The following PTGR2 variants were observed in gnomAD, a reference collection of about 807,000 sequenced individuals.
PTGR2 encodes 15-oxoprostaglandin 13-reductase.
A neutral mutation model predicts 43.4 loss-of-function variants in PTGR2; 32 were observed. The ratio of observed to expected loss-of-function variants is 0.74; its 90% CI spans 0.56 to 0.99. The LOEUF is 0.99. Among genes scored for constraint, PTGR2 ranks in the 50% least tolerant of loss-of-function variants. PTGR2 has a pLI of 0.00. For synonymous variants in PTGR2, 106 were observed against 139.2 expected (o/e 0.76, Z 1.68); for missense variants, 373 against 420.0 (o/e 0.89, Z 0.98).
chr14:73,864,444 C>G (rs538137678), intron 3 of PTGR2, among the ~76,000 whole-genome samples: 5 of 152,358 alleles, frequency 3.3e-5, no homozygotes, highest in Admixed American at 1.3e-4. Flanking sequence ...CACATCCTCA[C>G]TAACACTTGT....
At chr14:73,878,118 C>T (rs1438886121) in intron 5 of PTGR2, 1 of 152,110 alleles carries the variant, frequency 6.6e-6, no homozygotes, top group Non-Finnish European at 1.5e-5. Context: ...TGTACTCCAG[C>T]CTGGGTGACA....
chr14:73,873,949 T>C, intron 3 of PTGR2, 74 bp from the exon 4 acceptor site: 1 of 1,160,166 alleles, frequency 8.6e-7, no homozygotes, highest in Middle Eastern at 2.0e-4. Context: ...ATTATATGCT[T>C]TTAGTCATTG....
chr14:73,862,998 C>T (rs1020910382), intron 3 of PTGR2, among the ~76,000 whole-genome samples: 1 of 152,176 alleles, frequency 6.6e-6, no homozygotes, highest in African/African-American at 2.4e-5. Flanking sequence ...TGAGCCACTA[C>T]ATCTGTCTCC....
intron 1 of PTGR2, among the ~76,000 whole-genome samples, chr14:73,856,829 C>T (rs2054359162): frequency 6.6e-6 from 1 of 152,226 alleles, no homozygotes; most frequent in Admixed American, 6.5e-5. Flanking sequence ...GTACAAAGCA[C>T]TCACAAGAGT....
intron 2 of PTGR2, 25 bp downstream of exon 2, chr14:73,858,924 A>G (rs1192500021): frequency 3.8e-6 from 6 of 1,585,706 alleles, no homozygotes; most frequent in Middle Eastern, 1.7e-4. Flanking sequence ...TGAATGAACA[A>G]CTCTGATCTT....
intron 3 of PTGR2, chr14:73,861,415 A>G (rs2054487587): frequency 6.6e-6 from 1 of 152,182 alleles, no homozygotes; most frequent in African/African-American, 2.4e-5. Flanking sequence ...CATGACAAGC[A>G]TAACTCTTTA....
At chr14:73,881,840 G>A (rs2054997726) in intron 8 of PTGR2, among the ~76,000 whole-genome samples, 1 of 136,550 alleles carries the variant, frequency 7.3e-6, no homozygotes. Context: ...CTGTAGTGCA[G>A]TGGCGCAATC....
chr14:73,855,454 A>G (rs1312876957), intron 1 of PTGR2, among the ~76,000 whole-genome samples: 4 of 151,920 alleles, frequency 2.6e-5, no homozygotes, highest in African/African-American at 9.7e-5. Flanking sequence ...TATTTTTATT[A>G]TTTATTTATT....
intron 3 of PTGR2, among the ~76,000 whole-genome samples, chr14:73,871,572 G>A (rs961679128): frequency 3.3e-5 from 5 of 151,980 alleles, no homozygotes; most frequent in African/African-American, 1.2e-4. Flanking sequence ...CAGAAGCACA[G>A]ACCATAACCT....
chr14:73,874,925 C>T (rs1387839873), intron 4 of PTGR2, among the ~76,000 whole-genome samples: 1 of 152,070 alleles, frequency 6.6e-6, no homozygotes. Flanking sequence ...CTGGAGTGAT[C>T]TTGGCTCACT....
In PTGR2 at chr14:73,860,605, A is replaced by G. The variant is rs2054466160; in HGVS notation, c.104A>G (p.Asn35Ser). Residue 35 changes from asparagine to serine, a missense_variant, in exon 3 of 10, where the codon AAT becomes AGT. Transcript: ENST00000555661. Reference protein sequence around the residue: ...MEEVYLPDNINEGQVQVRTLY... With the variant: ...MEEVYLPDNISEGQVQVRTLY... ...GAAGTCTATTTACCAGATAATATTA[A>G]TGAAGGACAAGTACAAGTTAGAACT... 4 of 1,579,730 alleles carry G rather than the reference A, an allele frequency of 2.5e-6. No homozygotes were observed. Among genetic ancestry groups the G allele is most frequent in the Non-Finnish European group, 3.5e-6 (4 of 1,153,244 alleles).
intron 3 of PTGR2, 32 bp from the exon 4 acceptor site, chr14:73,873,991 G>A (rs1384135075): frequency 1.3e-6 from 2 of 1,519,718 alleles, no homozygotes; most frequent in East Asian, 4.6e-5. Context: ...GACATTATTG[G>A]ATAAAATTAT....
At chr14:73,875,409 G>A (rs897505760) in intron 4 of PTGR2, among the ~76,000 whole-genome samples, 7 of 151,456 alleles carry the variant, frequency 4.6e-5, no homozygotes, top group African/African-American at 1.5e-4. Context: ...GCAGTGGCGC[G>A]ATCTCGGCTC....
At chr14:73,867,107 AAC>A (rs1260169272) in intron 3 of PTGR2, among the ~76,000 whole-genome samples, 28 of 135,546 alleles carry the variant, frequency 2.1e-4, no homozygotes, top group South Asian at 7.2e-4. Context: ...AAAAAAAAAA[AAC>A]AAAAAAACAA....
At position 73,860,860 on chromosome 14, in the gene PTGR2, G is replaced by C. The variant is rs149500334; in HGVS notation, c.156+203G>C. Among the ~76,000 whole-genome samples, 507 of 152,228 alleles carry C rather than the reference G, an allele frequency of 3.3e-3. 5 individuals carry two copies. Among genetic ancestry groups the C allele is most frequent in the Middle Eastern group, 0.014 (4 of 294 alleles). On this transcript the variant is annotated intron_variant, in intron 3 of 9. Coordinates refer to ENST00000555661, the MANE Select transcript of PTGR2 (RefSeq NM_001146154.2). ...GTTGTAGAGGGAACAGATAATAGTA[G>C]TACATGTATGTGATTCAGGTGCTTT...
At position 73,877,161 on chromosome 14, in the gene PTGR2, C is replaced by T. The variant is rs1447471339; in HGVS notation, c.512C>T (p.Ala171Val). 2 of 1,603,686 alleles carry T rather than the reference C, an allele frequency of 1.2e-6. No homozygotes were observed. Among genetic ancestry groups the T allele is most frequent in the East Asian group, 2.2e-5 (1 of 44,848 alleles). Residue 171 changes from alanine to valine, a missense_variant, in exon 5 of 10, where the codon GCT becomes GTT. Physicochemically the swap from Ala to Val is moderately conservative, Grantham distance 64. Coordinates refer to ENST00000555661, the MANE Select transcript of PTGR2 (RefSeq NM_001146154.2). ...GCCGCAGGTGCCTGTGGATCTGTGG[C>T]TGGGCAGGTAAACTTTCTGAGAATT... is the stretch of plus-strand genomic sequence containing the variant. The part of the protein sequence containing the change: ...SGAAGACGSV[A>V]GQIGHFLGCS...
At position 73,877,103 on chromosome 14, in the gene PTGR2, G is replaced by T. The variant is rs1023734490; in HGVS notation, c.454G>T (p.Ala152Ser). Residue 152 changes from alanine to serine, a missense_variant, in exon 5 of 10, where the codon GCT becomes TCT. By Grantham distance (99) the Ala-to-Ser change is moderately conservative (BLOSUM62 1). Transcript: ENST00000555661. The stretch of plus-strand genomic sequence containing the variant: ...GATACAGGAAAAAGGTCATATAACT[G>T]CTGGATCTAATAAGACAATGGTTGT... ...IGIQEKGHIT[A>S]GSNKTMVVSG... 6.2e-7 allele frequency: 1 copy of T among 1,613,890 alleles called. No individual in the cohort carries two copies. Among genetic ancestry groups the T allele is most frequent in the Non-Finnish European group, 8.5e-7 (1 of 1,179,950 alleles).
chr14:73,874,126 A>C lies in PTGR2; in HGVS notation c.260A>C (p.His87Pro). The C allele has an allele frequency of 2.5e-6, 4 of 1,614,048 alleles. No individual in the cohort carries two copies. The highest frequency in any genetic ancestry group is 3.4e-6 in the Non-Finnish European group (4 of 1,179,990). Residue 87 changes from histidine to proline, a missense_variant, in exon 4 of 10, where the codon CAC becomes CCC. By Grantham distance (77) the His-to-Pro change is moderately conservative. Coordinates refer to ENST00000555661, the MANE Select transcript of PTGR2 (RefSeq NM_001146154.2). ...GGIGIIEESK[H>P]TNLTKGDFVT... Reference sequence around the variant, plus strand: ...ATTGGAATTATAGAAGAAAGCAAACACACAAATTTGACTAAAGGCGATTTT... The same window carrying C: ...ATTGGAATTATAGAAGAAAGCAAACCCACAAATTTGACTAAAGGCGATTTT...
chr14:73,852,290 CTCTG>C (rs1338145472), intron 1 of PTGR2, among the ~76,000 whole-genome samples: 5 of 151,952 alleles, frequency 3.3e-5, no homozygotes, highest in South Asian at 2.1e-4. Flanking sequence ...CGGAGTCTCG[CTCTG>C]TCTGTCGCCC....
Sources: allele counts gnomAD v4.1 joint callset (sites outside exome capture counted in the v4.1 genomes callset), GRCh38; gene constraint gnomAD v4.1.1; transcripts MANE v1.5; gene names NCBI Gene and HGNC (gene_info 2026-07-23, HGNC 2026-07-21).